Variants in PRKCE observed in about 807,000 individuals in gnomAD.
The protein encoded by PRKCE is protein kinase C epsilon.
A neutral mutation model predicts 85.4 loss-of-function variants in PRKCE; 16 were observed. That is an observed-to-expected ratio of 0.19 (90% CI 0.13 to 0.28). PRKCE has a LOEUF of 0.28. PRKCE is among the 10% of genes least tolerant of loss of function. PRKCE has a pLI of 1.00. For synonymous variants in PRKCE, 388 were observed against 371.5 expected, an observed-to-expected ratio of 1.04 and a Z score of -0.51; for missense variants, 573 against 975.2, an observed-to-expected ratio of 0.59 and a Z score of 5.49.
At chr2:45,684,329 G>A (rs1677123540) in intron 1 of PRKCE, among the ~76,000 whole-genome samples, 1 of 152,202 alleles carries the variant, frequency 6.6e-6, no homozygotes, top group South Asian at 2.1e-4. Context: ...TGGGGGGATA[G>A]GCAAGCATGA....
chr2:45,709,826 G>A (rs973619110), intron 1 of PRKCE, among the ~76,000 whole-genome samples: 1 of 151,380 alleles, frequency 6.6e-6, no homozygotes, highest in Non-Finnish European at 1.5e-5. Context: ...TTTTTTGTTT[G>A]TTTGAGACAG....
chr2:45,855,463 A>G (rs142495056), intron 2 of PRKCE, among the ~76,000 whole-genome samples: 7 of 152,340 alleles, frequency 4.6e-5, no homozygotes, highest in African/African-American at 1.7e-4. Flanking sequence ...AACCCTTCCT[A>G]AGAAGAGTTT....
At chr2:45,670,570 A>G (rs894117887) in intron 1 of PRKCE, among the ~76,000 whole-genome samples, 1 of 152,242 alleles carries the variant, frequency 6.6e-6, no homozygotes, top group Admixed American at 6.5e-5. Context: ...TTAAAAAAAC[A>G]TTGAGAAATA....
chr2:45,699,545 G>T (rs1195231603), intron 1 of PRKCE, among the ~76,000 whole-genome samples: 1 of 152,188 alleles, frequency 6.6e-6, no homozygotes, highest in Non-Finnish European at 1.5e-5. Context: ...CGCTGGTGAA[G>T]GATGAGGGGC....
intron 14 of PRKCE, among the ~76,000 whole-genome samples, chr2:46,163,990 A>T (rs1678064489): frequency 6.6e-6 from 1 of 152,050 alleles, no homozygotes; most frequent in Non-Finnish European, 1.5e-5. Flanking sequence ...CACCCCACAG[A>T]GGTTGTGGTG....
chr2:46,052,860 A>G (rs776294492), intron 10 of PRKCE, among the ~76,000 whole-genome samples: 13 of 152,218 alleles, frequency 8.5e-5, no homozygotes, highest in Admixed American at 2.0e-4. Context: ...AACCTTTATC[A>G]TCAATTGATT....
intron 1 of PRKCE, among the ~76,000 whole-genome samples, chr2:45,653,370 G>GTTTTTTTTTTTTTTTTTTTTTTT (rs34888247): frequency 4.9e-5 from 3 of 61,464 alleles, no homozygotes; most frequent in Non-Finnish European, 6.0e-5. Context: ...TTTTTGGGTT[G>GTTTTTTTTTTTTTTTTTTTTTTT]TTTTTTTTTT....
chr2:45,710,370 C>T (rs1051940920), intron 1 of PRKCE, among the ~76,000 whole-genome samples: 7 of 152,210 alleles, frequency 4.6e-5, no homozygotes, highest in Admixed American at 2.0e-4. Flanking sequence ...CTGAGGTACA[C>T]AGCCTCTTGT....
At chr2:45,671,357 CA>C (rs1676149971) in intron 1 of PRKCE, among the ~76,000 whole-genome samples, 1 of 152,170 alleles carries the variant, frequency 6.6e-6, no homozygotes, top group African/African-American at 2.4e-5. Context: ...CTTTTTAGGA[CA>C]AAGGTTTTTT....
rs546095422 is a variant in PRKCE at position 45,974,705 on chromosome 2, A to G, written c.413-1724A>G. On this transcript the variant is annotated intron_variant, in intron 2 of 14. Coordinates refer to ENST00000306156, the MANE Select transcript of PRKCE (RefSeq NM_005400.3). ...TGTTCAGGTCATACATATGACCTCC[A>G]CTTCAGGGAACCTTACATTCAGAGA... is the stretch of plus-strand genomic sequence containing the variant. Among the ~76,000 whole-genome samples, 63 of 152,296 alleles carry G rather than the reference A, an allele frequency of 4.1e-4. No individual in the cohort carries two copies. In the East Asian group the frequency reaches 0.012, roughly 28 times the overall value.
chr2:45,700,953 C>G (rs1376036591), intron 1 of PRKCE, among the ~76,000 whole-genome samples: 1 of 152,122 alleles, frequency 6.6e-6, no homozygotes, highest in Non-Finnish European at 1.5e-5. Context: ...AGGAAGGACC[C>G]TCCTTTAGAT....
chr2:46,060,188 A>G (rs547365122), intron 10 of PRKCE, among the ~76,000 whole-genome samples: 14 of 152,312 alleles, frequency 9.2e-5, no homozygotes, highest in African/African-American at 3.4e-4. Context: ...TCTTTTTGCC[A>G]TATCTTTTCT....
intron 11 of PRKCE, among the ~76,000 whole-genome samples, chr2:46,132,057 T>C (rs184557952): frequency 2.0e-5 from 3 of 152,314 alleles, no homozygotes; most frequent in Admixed American, 2.0e-4. Context: ...TAAGGGCACG[T>C]GACTTTATCT....
intron 1 of PRKCE, among the ~76,000 whole-genome samples, chr2:45,800,145 C>T (rs1351191287): frequency 1.3e-5 from 2 of 152,170 alleles, no homozygotes; most frequent in Non-Finnish European, 2.9e-5. Context: ...GCAGGAGTGC[C>T]CAGCGGCTGG....
intron 11 of PRKCE, among the ~76,000 whole-genome samples, chr2:46,128,307 T>C (rs919566379): frequency 1.1e-4 from 16 of 152,196 alleles, no homozygotes; most frequent in Non-Finnish European, 1.6e-4. Context: ...AATGAACTCA[T>C]GGTTTAAATG....
At chr2:46,151,252 T>C (rs1676590085) in intron 13 of PRKCE, 23 bp downstream of exon 13, 3 of 1,574,502 alleles carry the variant, frequency 1.9e-6, no homozygotes, top group Non-Finnish European at 1.7e-6. Flanking sequence ...CCCTCACCCA[T>C]GGCTGTGCTC....
intron 2 of PRKCE, among the ~76,000 whole-genome samples, chr2:45,853,448 G>A (rs557330364): frequency 6.6e-6 from 1 of 152,316 alleles, no homozygotes; most frequent in Admixed American, 6.5e-5. Flanking sequence ...ATTGAGTGGT[G>A]CCTGAATTTG....
At chr2:45,983,639 T>C (rs1446445745) in intron 5 of PRKCE, among the ~76,000 whole-genome samples, 2 of 152,220 alleles carry the variant, frequency 1.3e-5, no homozygotes, top group Admixed American at 6.5e-5. Context: ...TGTGCCTTCA[T>C]TTCCTCATCT....
intron 1 of PRKCE, among the ~76,000 whole-genome samples, chr2:45,807,386 T>C (rs529888685): frequency 2.6e-5 from 4 of 152,366 alleles, no homozygotes; most frequent in African/African-American, 9.6e-5. Context: ...CCCAGAATCA[T>C]GGCTGCTAAT....
Sources: allele counts gnomAD v4.1 joint callset (sites outside exome capture counted in the v4.1 genomes callset), GRCh38; gene constraint gnomAD v4.1.1; transcripts MANE v1.5; gene names NCBI Gene and HGNC (gene_info 2026-07-23, HGNC 2026-07-21).